Variants in CDC42SE2 observed in about 807,000 individuals in gnomAD.
CDC42SE2 encodes the protein CDC42 small effector protein 2.
A neutral mutation model predicts 11.5 loss-of-function variants in CDC42SE2; 3 were observed. That is an observed-to-expected ratio of 0.26 (90% CI 0.12 to 0.67). CDC42SE2 has a LOEUF of 0.67. Ranked by LOEUF, CDC42SE2 falls within the 30% of genes least tolerant of loss-of-function variation. The pLI is 0.80. For missense variants in CDC42SE2, 82 were observed against 106.8 expected (o/e 0.77, Z 1.02); for synonymous variants, 33 against 34.8 (o/e 0.95, Z 0.18).
the CDC42SE2 span, among the ~76,000 whole-genome samples, chr5:131,219,735 A>G: frequency 6.6e-6 from 1 of 152,230 alleles, no homozygotes; most frequent in Non-Finnish European, 1.5e-5. Context: ...TCAGGAGTTC[A>G]AGACCAGCCT....
intron 1 of CDC42SE2, among the ~76,000 whole-genome samples, chr5:131,315,299 G>C (rs909316184): frequency 1.3e-5 from 2 of 152,132 alleles, no homozygotes; most frequent in African/African-American, 4.8e-5. Context: ...TTGAACTTCA[G>C]CTTCTGACTC....
At chr5:131,312,103 G>T (rs572164029) in intron 1 of CDC42SE2, among the ~76,000 whole-genome samples, 20 of 152,254 alleles carry the variant, frequency 1.3e-4, no homozygotes, top group Non-Finnish European at 2.5e-4. Flanking sequence ...TGATGATGGT[G>T]ATGTACAGAT....
intron 1 of CDC42SE2, among the ~76,000 whole-genome samples, chr5:131,266,084 A>G (rs1343551579): frequency 6.6e-6 from 1 of 152,202 alleles, no homozygotes; most frequent in African/African-American, 2.4e-5. Context: ...TATTAGTAAT[A>G]ATTTGTGGTT....
intron 2 of CDC42SE2, among the ~76,000 whole-genome samples, chr5:131,337,960 C>T (rs1023043603): frequency 6.6e-5 from 10 of 152,078 alleles, no homozygotes; most frequent in South Asian, 4.1e-4. Flanking sequence ...ACGCACAGTG[C>T]GCTGCACCCA....
chr5:131,251,564 C>A (rs2149683266), intron 1 of CDC42SE2, among the ~76,000 whole-genome samples: 1 of 151,776 alleles, frequency 6.6e-6, no homozygotes, highest in African/African-American at 2.4e-5. Context: ...TGAGAGAAAG[C>A]AAAACTAAAA....
chr5:131,322,750 A>G (rs1336015460), intron 2 of CDC42SE2, among the ~76,000 whole-genome samples: 2 of 152,292 alleles, frequency 1.3e-5, no homozygotes, highest in East Asian at 3.9e-4. Context: ...CCTCTTGGCT[A>G]GTATGAATGT....
intron 1 of CDC42SE2, among the ~76,000 whole-genome samples, chr5:131,296,765 A>G (rs1017374953): frequency 6.6e-6 from 1 of 152,216 alleles, no homozygotes; most frequent in Non-Finnish European, 1.5e-5. Flanking sequence ...AATTCAACCC[A>G]TAACAGAGGC....
chr5:131,302,508 G>T (rs1010695574), intron 1 of CDC42SE2, among the ~76,000 whole-genome samples: 10 of 151,954 alleles, frequency 6.6e-5, no homozygotes, highest in African/African-American at 1.5e-4. Context: ...AGAGACGGGG[G>T]TTTCACCATG....
intron 1 of CDC42SE2, among the ~76,000 whole-genome samples, chr5:131,274,801 T>C (rs1485858617): frequency 6.6e-6 from 1 of 152,150 alleles, no homozygotes; most frequent in Non-Finnish European, 1.5e-5. Flanking sequence ...AGTGTTGCTT[T>C]AGTGCTAGTA....
At chr5:131,334,833 G>T (rs972821869) in intron 2 of CDC42SE2, among the ~76,000 whole-genome samples, 8 of 152,000 alleles carry the variant, frequency 5.3e-5, no homozygotes, top group Non-Finnish European at 1.0e-4. Flanking sequence ...ATTTTTTATT[G>T]GGTCTATTTG....
At chr5:131,246,386 G>A (rs1409662754) in intron 1 of CDC42SE2, among the ~76,000 whole-genome samples, 3 of 152,170 alleles carry the variant, frequency 2.0e-5, no homozygotes, top group African/African-American at 7.2e-5. Flanking sequence ...AATCCAGAAG[G>A]CAGAGGTTGC....
At chr5:131,354,669 C>T (rs1441655663) in intron 2 of CDC42SE2, 1 of 151,800 alleles carries the variant, frequency 6.6e-6, no homozygotes, top group Non-Finnish European at 1.5e-5. Flanking sequence ...TAGGCTGTTT[C>T]TTCAAAGTTT....
At chr5:131,309,749 A>G (rs888551782) in intron 1 of CDC42SE2, among the ~76,000 whole-genome samples, 1 of 151,936 alleles carries the variant, frequency 6.6e-6, no homozygotes, top group Admixed American at 6.6e-5. Context: ...TGTTTGTAGT[A>G]TTCTCTGATG....
At chr5:131,327,164 T>C (rs1420161874) in intron 2 of CDC42SE2, among the ~76,000 whole-genome samples, 1 of 152,180 alleles carries the variant, frequency 6.6e-6, no homozygotes, top group Non-Finnish European at 1.5e-5. Flanking sequence ...TAAGTTGAAA[T>C]TTTTTCTATT....
At chr5:131,333,366 G>C (rs1196067509) in intron 2 of CDC42SE2, among the ~76,000 whole-genome samples, 1 of 152,160 alleles carries the variant, frequency 6.6e-6, no homozygotes, top group African/African-American at 2.4e-5. Context: ...TTTGGTTACT[G>C]TAGCCTTGTA....
At chr5:131,210,936 C>G in the CDC42SE2 span, among the ~76,000 whole-genome samples, 6 of 152,232 alleles carry the variant, frequency 3.9e-5, no homozygotes, top group African/African-American at 1.4e-4. Context: ...CCTCCCAGTT[C>G]AAGTGATTCC....
In CDC42SE2 at chr5:131,391,074, G is replaced by C; in HGVS notation, c.238G>C (p.Asp80His). The C allele has an allele frequency of 6.2e-7, 1 of 1,612,690 alleles. No individual in the cohort carries two copies. The highest frequency in any genetic ancestry group is 8.5e-7 in the Non-Finnish European group (1 of 1,179,060). The change falls in exon 5 of 5, where the codon GAT becomes CAT. Residue 80 changes from aspartate to histidine, a missense_variant. By Grantham distance (81) the Asp-to-His change is moderately conservative. Transcript: ENST00000505065. ...TGCCAATGTCCAGATGCAGCTCGTG[G>C]ATACGAAGGCGGGATAGCCCTGGTC... ...MPANVQMQLV[D>H]TKAG
the CDC42SE2 span, among the ~76,000 whole-genome samples, chr5:131,221,698 C>T: frequency 1.3e-5 from 2 of 151,956 alleles, no homozygotes; most frequent in African/African-American, 4.8e-5. Flanking sequence ...GATGGAGAAG[C>T]TTCATGCCTA....
In CDC42SE2 at chr5:131,378,924, T is replaced by C. The variant is rs58853784; in HGVS notation, c.55-6619T>C. Among the ~76,000 whole-genome samples, 384 of 152,350 alleles carry C rather than the reference T, an allele frequency of 2.5e-3. 1 individual carries two copies. The highest frequency in any genetic ancestry group is 8.6e-3 in the African/African-American group (357 of 41,574). ...GTTACAAATTATCTGAAGCTGGTAG[T>C]TCACTCAGTGTCAAACACACATTGA... is the stretch of plus-strand genomic sequence containing the variant. On this transcript the variant is annotated intron_variant, in intron 3 of 4. Coordinates refer to ENST00000505065, the MANE Select transcript of CDC42SE2 (RefSeq NM_001375635.1).
Sources: allele counts gnomAD v4.1 joint callset (sites outside exome capture counted in the v4.1 genomes callset), GRCh38; gene constraint gnomAD v4.1.1; transcripts MANE v1.5; gene names NCBI Gene and HGNC (gene_info 2026-07-23, HGNC 2026-07-21).